FHOD3: variants seen among roughly 807,000 people sequenced by gnomAD.
The protein encoded by FHOD3 is FH1/FH2 domain-containing protein 3.
In FHOD3, 90 loss-of-function variants were observed where a neutral mutation model predicts 173.0. The observed-to-expected ratio is 0.52, with a 90% CI of 0.44 to 0.62. The LOEUF is 0.62. Ranked by LOEUF, FHOD3 falls within the 20% of genes least tolerant of loss-of-function variation. The pLI is 0.00. For synonymous variants in FHOD3, 828 were observed against 823.0 expected (o/e 1.01, Z -0.10); for missense variants, 1,945 against 2,034.7 (o/e 0.96, Z 0.85).
Position 36,709,175 on chromosome 18 carries a change from G to A in FHOD3, c.2317G>A (p.Gly773Ser). ...GGCGGGGCAGGTTGCTGATGAAGCT[G>A]GCCAGGACATAGCCTCTGCCCACGA... ...AGAGQVADEAGQDIASAHEGA... is the reference protein window; with the variant it reads ...AGAGQVADEASQDIASAHEGA... The change falls in exon 18 of 29, where the codon GGC (glycine) becomes AGC (serine). Residue 773 changes from glycine (G) to serine (S), a missense_variant. Gly to Ser is a moderately conservative substitution (Grantham distance 56). Transcript: ENST00000590592. The A allele has an allele frequency of 6.2e-7, 1 of 1,614,170 alleles. No homozygotes were observed. Among genetic ancestry groups the A allele is most frequent in the Non-Finnish European group, 8.5e-7 (1 of 1,180,048 alleles).
intron 3 of FHOD3, among the ~76,000 whole-genome samples, chr18:36,428,402 T>G (rs999103104): frequency 2.0e-5 from 3 of 152,156 alleles, no homozygotes; most frequent in Non-Finnish European, 4.4e-5. Context: ...CCTTCCTCCA[T>G]CTTTGGAGGA....
intron 24 of FHOD3, among the ~76,000 whole-genome samples, chr18:36,750,871 G>A (rs1413269728): frequency 6.6e-6 from 1 of 152,180 alleles, no homozygotes; most frequent in East Asian, 1.9e-4. Context: ...GTACTATGCT[G>A]TCGCAATTAC....
rs188557845 is a variant in FHOD3, at chr18:36,511,849, G to A, written c.406-589G>A. Among the ~76,000 whole-genome samples, 6 of 152,298 alleles carry A rather than the reference G, an allele frequency of 3.9e-5. No individual in the cohort carries two copies. In the South Asian group the frequency reaches 8.3e-4, roughly 21 times the overall value. On this transcript the variant is annotated intron_variant, in intron 4 of 28. Transcript: ENST00000590592. The stretch of plus-strand genomic sequence containing the variant: ...GCAAGCCAGCCAAGGCGGTCCTTTC[G>A]AGGGATTGCGTGGCTGCTCCAGGTT...
intron 3 of FHOD3, among the ~76,000 whole-genome samples, chr18:36,494,618 G>T (rs1437147509): frequency 6.6e-6 from 1 of 152,128 alleles, no homozygotes; most frequent in Non-Finnish European, 1.5e-5. Context: ...TAATCAGCCT[G>T]CCCCCAGCTT....
chr18:36,769,238 T>C, intron 27 of FHOD3, 27 bp from the exon 28 acceptor site: 1 of 1,612,050 alleles, frequency 6.2e-7, no homozygotes, highest in Non-Finnish European at 8.5e-7. Context: ...CTGAGTATGT[T>C]GTGCACTCTG....
intron 6 of FHOD3, among the ~76,000 whole-genome samples, chr18:36,592,211 T>G (rs2059242140): frequency 6.6e-6 from 1 of 152,002 alleles, no homozygotes; most frequent in African/African-American, 2.4e-5. Flanking sequence ...AGAACAAGAC[T>G]CCATCTCAAA....
At chr18:36,520,996 A>G (rs2056245002) in intron 5 of FHOD3, among the ~76,000 whole-genome samples, 1 of 152,206 alleles carries the variant, frequency 6.6e-6, no homozygotes. Flanking sequence ...TATCTCACAC[A>G]TGGTCTTCTT....
chr18:36,562,684 G>A lies in FHOD3; in HGVS notation c.512-13767G>A, dbSNP rs186465208. Among the ~76,000 whole-genome samples, 115 of 152,228 alleles carry A rather than the reference G, an allele frequency of 7.6e-4. 1 individual carries two copies. In the East Asian group the frequency reaches 0.02, roughly 27 times the overall value. Reference sequence around the variant, plus strand: ...GGGTTTGCCTTTGAGCTTGGTTTTGGTGAGAAGCAGGTGTTGATGCTGAGC... The same window carrying A: ...GGGTTTGCCTTTGAGCTTGGTTTTGATGAGAAGCAGGTGTTGATGCTGAGC... On this transcript the variant is annotated intron_variant, in intron 5 of 28. Coordinates refer to ENST00000590592, the MANE Select transcript of FHOD3 (RefSeq NM_001281740.3).
At chr18:36,322,707 T>C (rs1167895355) in intron 1 of FHOD3, among the ~76,000 whole-genome samples, 3 of 152,214 alleles carry the variant, frequency 2.0e-5, no homozygotes, top group African/African-American at 7.2e-5. Flanking sequence ...TGGTGTCCTT[T>C]CTGTCCAGTC....
At chr18:36,539,964 G>A (rs2057141529) in intron 5 of FHOD3, among the ~76,000 whole-genome samples, 1 of 152,220 alleles carries the variant, frequency 6.6e-6, no homozygotes, top group Non-Finnish European at 1.5e-5. Context: ...GAAGAATTAA[G>A]TGGGCTCTCT....
In FHOD3 at chr18:36,464,846, C is replaced by G. The variant is rs188053973; in HGVS notation, c.338-37086C>G. Among the ~76,000 whole-genome samples, 6 of 152,186 alleles carry G rather than the reference C, an allele frequency of 3.9e-5. No individual in the cohort carries two copies. In the East Asian group the frequency reaches 5.8e-4, roughly 15 times the overall value. On this transcript the variant is annotated intron_variant, in intron 3 of 28. Coordinates refer to ENST00000590592, the MANE Select transcript of FHOD3 (RefSeq NM_001281740.3). ...TTGCTCCCACCCTCTGTCTCTCCCC[C>G]CTCTTTCTTCCTTCTTTCTTGTGTA...
chr18:36,668,107 T>C (rs1018140486), intron 14 of FHOD3, among the ~76,000 whole-genome samples: 5 of 151,988 alleles, frequency 3.3e-5, no homozygotes, highest in African/African-American at 7.2e-5. Context: ...CTTCCTTAAA[T>C]ATTTCATAGA....
At chr18:36,746,466 T>C (rs1312381128) in intron 23 of FHOD3, among the ~76,000 whole-genome samples, 1 of 152,188 alleles carries the variant, frequency 6.6e-6, no homozygotes, top group Non-Finnish European at 1.5e-5. Flanking sequence ...AACTTGTCAC[T>C]CACATTATAA....
chr18:36,468,482 G>T (rs1242745969), intron 3 of FHOD3, among the ~76,000 whole-genome samples: 1 of 152,160 alleles, frequency 6.6e-6, no homozygotes, highest in Non-Finnish European at 1.5e-5. Flanking sequence ...CAGGCCACAG[G>T]AGTCTGCCGT....
chr18:36,544,024 C>T (rs2057324223), intron 5 of FHOD3, among the ~76,000 whole-genome samples: 1 of 152,182 alleles, frequency 6.6e-6, no homozygotes, highest in Non-Finnish European at 1.5e-5. Flanking sequence ...ATGGTTTTAA[C>T]ATCTTATATA....
At chr18:36,397,860 G>A (rs2048627647) in intron 3 of FHOD3, among the ~76,000 whole-genome samples, 2 of 152,156 alleles carry the variant, frequency 1.3e-5, no homozygotes, top group African/African-American at 4.8e-5. Context: ...TGCATTCTAG[G>A]CAGCAGAAAG....
At chr18:36,716,847 A>G (rs369629220) in intron 18 of FHOD3, among the ~76,000 whole-genome samples, 9 of 152,224 alleles carry the variant, frequency 5.9e-5, no homozygotes, top group African/African-American at 1.7e-4. Flanking sequence ...GTTAGGTGAT[A>G]GCTAGAGGGA....
intron 3 of FHOD3, among the ~76,000 whole-genome samples, chr18:36,415,204 G>A (rs1360964612): frequency 6.6e-6 from 1 of 152,204 alleles, no homozygotes; most frequent in Non-Finnish European, 1.5e-5. Context: ...AGAGAATAAA[G>A]GTGAGTCCAC....
chr18:36,644,762 T>C (rs115213443), intron 10 of FHOD3, among the ~76,000 whole-genome samples: 408 of 152,330 alleles, frequency 2.7e-3, no homozygotes, highest in African/African-American at 9.5e-3. Flanking sequence ...AGGGGATAGG[T>C]ACTGTTAGTG....
Sources: gnomAD v4.1 joint callset for allele counts (sites outside exome capture counted in the v4.1 genomes callset) on GRCh38, gnomAD v4.1.1 for gene constraint, MANE v1.5 for transcripts, NCBI Gene and HGNC (gene_info 2026-07-23, HGNC 2026-07-21) for gene names.